The following APLP2 variants were observed in gnomAD, a reference collection of about 807,000 sequenced individuals.
APLP2 encodes the protein amyloid beta precursor like protein 2.
APLP2 carries 53 observed loss-of-function variants against 89.9 expected under a neutral mutation model. The ratio of observed to expected loss-of-function variants is 0.59; its 90% confidence interval spans 0.47 to 0.74. APLP2 has a LOEUF of 0.74. Among genes scored for constraint, APLP2 ranks in the 30% least tolerant of loss-of-function variants. The pLI is 0.00. For missense variants in APLP2, 973 were observed against 975.9 expected (o/e 1.00, Z 0.04); for synonymous variants, 372 against 348.6 (o/e 1.07, Z -0.75).
intron 1 of APLP2, among the ~76,000 whole-genome samples, chr11:130,078,474 C>A (rs893923380): frequency 6.6e-6 from 1 of 151,948 alleles, no homozygotes; most frequent in Non-Finnish European, 1.5e-5. Context: ...ATTTTTTAGT[C>A]TTGTCTTTTC....
intron 9 of APLP2, 76 bp downstream of exon 9, chr11:130,127,916 A>C: frequency 7.7e-7 from 1 of 1,304,632 alleles, no homozygotes; most frequent in Non-Finnish European, 1.1e-6. Context: ...TTCCCAACGA[A>C]ATTAGGATTG....
At chr11:130,082,303 C>T (rs970452109) in intron 1 of APLP2, among the ~76,000 whole-genome samples, 2 of 152,078 alleles carry the variant, frequency 1.3e-5, no homozygotes, top group Non-Finnish European at 2.9e-5. Flanking sequence ...CCTGCCTCAG[C>T]CTCCTGAGCA....
At chr11:130,135,238 T>C (rs1208119357) in intron 12 of APLP2, among the ~76,000 whole-genome samples, 1 of 152,228 alleles carries the variant, frequency 6.6e-6, no homozygotes, top group Non-Finnish European at 1.5e-5. Flanking sequence ...TGTGTGTGTT[T>C]GCTTGACTAT....
intron 1 of APLP2, among the ~76,000 whole-genome samples, chr11:130,104,833 G>A (rs1374361288): frequency 6.6e-6 from 1 of 152,138 alleles, no homozygotes; most frequent in Admixed American, 6.5e-5. Context: ...TAACTGAGGT[G>A]TTTTTCAGCC....
chr11:130,111,988 C>T (rs960185029), intron 3 of APLP2, among the ~76,000 whole-genome samples: 4 of 152,156 alleles, frequency 2.6e-5, no homozygotes, highest in Non-Finnish European at 4.4e-5. Context: ...AGCTTCACTC[C>T]CCACCCAGAC....
intron 1 of APLP2, among the ~76,000 whole-genome samples, chr11:130,107,129 A>C (rs1188662599): frequency 2.0e-5 from 3 of 152,222 alleles, no homozygotes; most frequent in Admixed American, 6.5e-5. Flanking sequence ...GCCCACTCTT[A>C]TATCCTAAAC....
chr11:130,093,668 A>C (rs935423319), intron 1 of APLP2, among the ~76,000 whole-genome samples: 3 of 152,254 alleles, frequency 2.0e-5, no homozygotes, highest in Admixed American at 2.0e-4. Flanking sequence ...GTGAGTGATG[A>C]AAAGAGCACA....
chr11:130,101,888 A>G (rs1946978527), intron 1 of APLP2: 3 of 450,406 alleles, frequency 6.7e-6, no homozygotes, highest in South Asian at 3.2e-5. Context: ...GATCCTGTCC[A>G]GGCGCCTGCA....
Position 130,137,264 on chromosome 11 carries a change from C to G in APLP2, c.1837+1549C>G, listed in dbSNP as rs1591849412. 6 of 1,614,034 alleles carry G rather than the reference C, an allele frequency of 3.7e-6. No homozygotes were observed. In the African/African-American group the frequency reaches 5.3e-5, roughly 14 times the overall value. On this transcript the variant is annotated intron_variant, in intron 13 of 16. Coordinates refer to ENST00000338167, the MANE Select transcript of APLP2 (RefSeq NM_001142276.2). ...GTTTTCCTTTCTGCTAGACACTCAG[C>G]CGGAGTTGTACCACCCAATGAAAAA... is the stretch of plus-strand genomic sequence containing the variant.
intron 1 of APLP2, chr11:130,070,852 A>G (rs1940891720): frequency 1.0e-6 from 1 of 952,960 alleles, no homozygotes; most frequent in Non-Finnish European, 1.3e-6. Flanking sequence ...GAATTCCATC[A>G]GTGGTTGTGC....
chr11:130,085,708 A>T (rs531765884), intron 1 of APLP2, among the ~76,000 whole-genome samples: 1 of 152,088 alleles, frequency 6.6e-6, no homozygotes, highest in Non-Finnish European at 1.5e-5. Context: ...TTTTCATCCA[A>T]ACAGAAACCC....
chr11:130,121,077 C>T (rs879378084), intron 4 of APLP2, among the ~76,000 whole-genome samples: 1 of 152,196 alleles, frequency 6.6e-6, no homozygotes, highest in Admixed American at 6.5e-5. Context: ...CTGTATGCTG[C>T]TGGTGAGGCT....
intron 14 of APLP2, 62 bp downstream of exon 14, chr11:130,140,545 C>T (rs1469458226): frequency 3.6e-6 from 5 of 1,388,924 alleles, no homozygotes; most frequent in Non-Finnish European, 4.9e-6. Flanking sequence ...GAGCGAGTGA[C>T]CTGATGTCAG....
At chr11:130,095,018 C>CGTT (rs1946004784) in intron 1 of APLP2, among the ~76,000 whole-genome samples, 1 of 146,504 alleles carries the variant, frequency 6.8e-6, no homozygotes, top group Non-Finnish European at 1.6e-5. Context: ...CGTGTGAAAC[C>CGTT]AAGCAAGTAA....
intron 6 of APLP2, among the ~76,000 whole-genome samples, chr11:130,122,810 C>T (rs1591826475): frequency 2.0e-5 from 3 of 152,296 alleles, no homozygotes; most frequent in African/African-American, 7.2e-5. Context: ...TAAAATGTTC[C>T]CTCCCCAAGG....
chr11:130,099,420 G>C (rs976038145), intron 1 of APLP2, among the ~76,000 whole-genome samples: 1 of 152,212 alleles, frequency 6.6e-6, no homozygotes, highest in African/African-American at 2.4e-5. Context: ...ACTTCCATGA[G>C]ATTACATAGC....
intron 1 of APLP2, among the ~76,000 whole-genome samples, chr11:130,073,652 G>C (rs1396731087): frequency 6.6e-6 from 1 of 152,090 alleles, no homozygotes; most frequent in African/African-American, 2.4e-5. Context: ...ACCAGCCTGA[G>C]CAACATGGTG....
At chr11:130,110,511 T>TTG (rs567698773) in intron 2 of APLP2, 27 bp from the exon 3 acceptor site, 5 of 1,610,594 alleles carry the variant, frequency 3.1e-6, no homozygotes, top group Non-Finnish European at 3.4e-6. Context: ...GATTGATTTA[T>TTG]TGTGTGTGTG....
chr11:130,131,352 G>C (rs1950921026), intron 11 of APLP2, among the ~76,000 whole-genome samples: 2 of 152,172 alleles, frequency 1.3e-5, no homozygotes, highest in African/African-American at 4.8e-5. Context: ...GCCCACCTCT[G>C]CCTCCCAAAG....
Sources: allele counts gnomAD v4.1 joint callset (sites outside exome capture counted in the v4.1 genomes callset), GRCh38; gene constraint gnomAD v4.1.1; transcripts MANE v1.5; gene names NCBI Gene and HGNC (gene_info 2026-07-23, HGNC 2026-07-21).